TIMP2: variants seen among roughly 807,000 people sequenced by gnomAD.
TIMP2 encodes the protein TIMP metallopeptidase inhibitor 2, also known as metalloproteinase inhibitor 2.
TIMP2 carries 5 observed loss-of-function variants against 24.3 expected under a neutral mutation model. The ratio of observed to expected loss-of-function variants is 0.21; its 90% CI spans 0.11 to 0.43. TIMP2 has a LOEUF of 0.43. TIMP2 is among the 20% of genes least tolerant of loss of function. TIMP2 has a pLI of 1.00. For missense variants in TIMP2, 221 were observed against 297.5 expected, an observed-to-expected ratio of 0.74 and a Z score of 1.89; for synonymous variants, 130 against 123.2, an observed-to-expected ratio of 1.06 and a Z score of -0.37.
At chr17:78,879,005 C>T (rs977564752) in intron 1 of TIMP2, among the ~76,000 whole-genome samples, 3 of 152,260 alleles carry the variant, frequency 2.0e-5, no homozygotes, top group Non-Finnish European at 4.4e-5. Context: ...GAGGGGCCAG[C>T]TGACAGCTCT....
intron 1 of TIMP2, among the ~76,000 whole-genome samples, chr17:78,923,439 C>T (rs1248275779): frequency 6.7e-6 from 1 of 150,226 alleles, no homozygotes; most frequent in African/African-American, 2.4e-5. Flanking sequence ...GGCCCAACTC[C>T]TACAAATCCA....
intron 1 of TIMP2, among the ~76,000 whole-genome samples, chr17:78,907,592 T>C (rs546145627): frequency 2.7e-4 from 41 of 152,268 alleles, no homozygotes; most frequent in African/African-American, 7.5e-4. Flanking sequence ...ATGAAAAAGT[T>C]TGAAATATTG....
chr17:78,916,825 C>G (rs898329390), intron 1 of TIMP2, among the ~76,000 whole-genome samples: 1 of 152,212 alleles, frequency 6.6e-6, no homozygotes, highest in Non-Finnish European at 1.5e-5. Flanking sequence ...CTCTGTCCCC[C>G]TGTGGTACAC....
At chr17:78,907,415 G>A (rs928417525) in intron 1 of TIMP2, among the ~76,000 whole-genome samples, 1 of 152,184 alleles carries the variant, frequency 6.6e-6, no homozygotes, top group East Asian at 1.9e-4. Flanking sequence ...GAGAGAGAGA[G>A]ACCAGAAGCC....
intron 3 of TIMP2, among the ~76,000 whole-genome samples, chr17:78,869,410 G>T (rs2145752649): frequency 1.2e-5 from 1 of 82,802 alleles, no homozygotes; most frequent in East Asian, 3.3e-4. Flanking sequence ...GCAAGACTTT[G>T]TCTCAAAAAA....
intron 3 of TIMP2, among the ~76,000 whole-genome samples, chr17:78,861,229 C>T (rs1403575145): frequency 6.6e-6 from 1 of 152,188 alleles, no homozygotes. Flanking sequence ...AGCCTGGGCA[C>T]CTGCCACTAC....
At chr17:78,921,499 G>A (rs145996507) in intron 1 of TIMP2, among the ~76,000 whole-genome samples, 23 of 152,300 alleles carry the variant, frequency 1.5e-4, no homozygotes, top group Admixed American at 4.6e-4. Flanking sequence ...CAAGCAGCCC[G>A]AGTCTGCCAA....
chr17:78,919,568 C>T (rs1599179480), intron 1 of TIMP2, among the ~76,000 whole-genome samples: 1 of 152,194 alleles, frequency 6.6e-6, no homozygotes, highest in Non-Finnish European at 1.5e-5. Flanking sequence ...GGTGCGGTGG[C>T]TCAAGCCTGT....
chr17:78,914,260 CATTTATTTATTT>C (rs200386858), intron 1 of TIMP2, among the ~76,000 whole-genome samples: 1 of 97,100 alleles, frequency 1.0e-5, no homozygotes. Context: ...TTTGGCTATT[CATTTATTTATTT>C]ATTTATTTAT....
At chr17:78,916,099 A>G (rs1040020168) in intron 1 of TIMP2, among the ~76,000 whole-genome samples, 3 of 152,054 alleles carry the variant, frequency 2.0e-5, no homozygotes, top group Admixed American at 2.0e-4. Flanking sequence ...CAAGAACACA[A>G]AGACAGGGAG....
chr17:78,890,200 TTGC>T (rs1471748311), intron 1 of TIMP2, among the ~76,000 whole-genome samples: 1 of 148,288 alleles, frequency 6.7e-6, no homozygotes, highest in African/African-American at 2.6e-5. Context: ...TAATGACAGA[TTGC>T]TTTTTTTTTT....
Position 78,891,980 on chromosome 17 carries a change from C to T in TIMP2, c.131-18061G>A, listed in dbSNP as rs1471843756. 2 of 1,550,592 alleles carry T rather than the reference C, an allele frequency of 1.3e-6. No homozygotes were observed. Among genetic ancestry groups the T allele is most frequent in the African/African-American group, 1.4e-5 (1 of 73,048 alleles). On this transcript the variant is annotated intron_variant, in intron 1 of 4. Coordinates refer to ENST00000262768, the MANE Select transcript of TIMP2 (RefSeq NM_003255.5). This position sits in a 1 kb window ranked among gnomAD's most constrained non-coding sequence, Gnocchi z 4.5. ...CTCTTCCCTGCAACTCCTCTCTTCACTAAGGGCTGCTCTATGCTTCTCCTT... is the reference window on the plus strand; with the variant it reads ...CTCTTCCCTGCAACTCCTCTCTTCATTAAGGGCTGCTCTATGCTTCTCCTT...
chr17:78,864,972 T>A (rs1438298422), intron 3 of TIMP2, among the ~76,000 whole-genome samples: 1 of 152,246 alleles, frequency 6.6e-6, no homozygotes, highest in African/African-American at 2.4e-5. Context: ...GAAAATTGCT[T>A]GAACCTGGGG....
chr17:78,925,113 G>GAAGCAGCGTCGCCAGCAGCA lies in TIMP2; in HGVS notation c.-26_-25insTGCTGCTGGCGACGCTGCTT. 2.3e-6 allele frequency: 2 copies of GAAGCAGCGTCGCCAGCAGCA among 857,180 alleles called. No homozygotes were observed. Among genetic ancestry groups the GAAGCAGCGTCGCCAGCAGCA allele is most frequent in the Non-Finnish European group, 2.8e-6 (2 of 715,446 alleles). 53.1% of individuals were successfully genotyped at this position (857,180 alleles called of 1,614,324 possible). A position where few individuals can be genotyped will look rare whatever the true frequency, so the allele number is the denominator to read the frequency against. Reference sequence around the variant, plus strand: ...TGGCGGGCCGGGGGGCTGGGCGGGCGGGGGCCGCCGCTGGGGGGTCCGGGC... The same window carrying GAAGCAGCGTCGCCAGCAGCA: ...TGGCGGGCCGGGGGGCTGGGCGGGCGAAGCAGCGTCGCCAGCAGCAGGGGCCGCCGCTGGGGGGTCCGGGC... On this transcript the variant is annotated 5_prime_UTR_variant, in exon 1 of 5. Transcript: ENST00000262768.
intron 1 of TIMP2, among the ~76,000 whole-genome samples, chr17:78,918,065 AACAC>A (rs57256110): frequency 0.032 from 4,637 of 144,842 alleles, 143 homozygotes; most frequent in East Asian, 0.096. Context: ...TGCACACACA[AACAC>A]ACACACACAC....
intron 1 of TIMP2, chr17:78,898,292 G>T (rs1035753054): frequency 4.6e-5 from 7 of 152,394 alleles, no homozygotes; most frequent in African/African-American, 1.7e-4. Context: ...ACTTGCCTAA[G>T]GCCACATAGC....
chr17:78,876,261 C>G (rs1258593768), intron 1 of TIMP2, among the ~76,000 whole-genome samples: 1 of 152,188 alleles, frequency 6.6e-6, no homozygotes, highest in Non-Finnish European at 1.5e-5. Context: ...CAACACCCCC[C>G]ACCCATGCTC....
In TIMP2 at chr17:78,896,632, C is replaced by A. The variant is rs1014237966; in HGVS notation, c.131-22713G>T. Among the ~76,000 whole-genome samples the A allele has an allele frequency of 6.6e-6, 1 of 152,086 alleles. No individual in the cohort carries two copies. The highest frequency in any genetic ancestry group is 2.4e-5 in the African/African-American group (1 of 41,436). On this transcript the variant is annotated intron_variant, in intron 1 of 4. Coordinates refer to ENST00000262768, the MANE Select transcript of TIMP2 (RefSeq NM_003255.5). The surrounding 1 kb of genome is among the most constrained non-coding windows in gnomAD (Gnocchi z 4.4). ...CCCTGCTGCCCTCTGGTCCTGCCAC[C>A]CCGAGCTGACAAGCCTGCCTTCTGC... is the stretch of plus-strand genomic sequence containing the variant.
At chr17:78,868,267 G>T (rs77946167) in intron 3 of TIMP2, among the ~76,000 whole-genome samples, 1 of 149,548 alleles carries the variant, frequency 6.7e-6, no homozygotes, top group Non-Finnish European at 1.5e-5. Context: ...TTTTTTTTTT[G>T]TGAGATGGGG....
Sources: gnomAD v4.1 joint callset for allele counts (sites outside exome capture counted in the v4.1 genomes callset) on GRCh38, gnomAD v4.1.1 for gene constraint, Gnocchi (gnomAD v3.1) non-coding constraint, MANE v1.5 for transcripts, NCBI Gene and HGNC (gene_info 2026-07-23, HGNC 2026-07-21) for gene names.